GLI3: variants seen among roughly 807,000 people sequenced by gnomAD.
The protein encoded by GLI3 is transcription activator GLI3.
A neutral mutation model predicts 100.8 loss-of-function variants in GLI3; 20 were observed. The ratio of observed to expected loss-of-function variants is 0.20; its 90% CI spans 0.14 to 0.29. GLI3 has a LOEUF of 0.29. Among genes scored for constraint, GLI3 ranks in the 10% least tolerant of loss-of-function variants. The pLI is 1.00. For missense variants in GLI3, 2,040 were observed against 2,128.5 expected, an observed-to-expected ratio of 0.96 and a Z score of 0.82; for synonymous variants, 938 against 860.5, an observed-to-expected ratio of 1.09 and a Z score of -1.58.
intron 4 of GLI3, among the ~76,000 whole-genome samples, chr7:42,072,532 G>A (rs1342141197): frequency 1.3e-5 from 2 of 152,168 alleles, no homozygotes; most frequent in African/African-American, 4.8e-5. Context: ...TTATTACTGT[G>A]GAAAGTAGCC....
chr7:42,024,009 A>G (rs1156367168), intron 9 of GLI3, among the ~76,000 whole-genome samples: 2 of 152,098 alleles, frequency 1.3e-5, no homozygotes, highest in East Asian at 1.9e-4. Context: ...TGGTACTTCT[A>G]TTTTGTTTAG....
chr7:42,191,075 T>C (rs2128687979), intron 2 of GLI3, among the ~76,000 whole-genome samples: 1 of 152,190 alleles, frequency 6.6e-6, no homozygotes, highest in Admixed American at 6.5e-5. Flanking sequence ...TTAATCACTA[T>C]TATCCAGGAA....
At chr7:42,216,897 G>T (rs558707461) in intron 2 of GLI3, among the ~76,000 whole-genome samples, 1 of 152,210 alleles carries the variant, frequency 6.6e-6, no homozygotes, top group Non-Finnish European at 1.5e-5. Context: ...GAACATATCA[G>T]ATTGGACTGT....
rs1186292634 is a variant in GLI3, at chr7:42,262,209, T to TTCCTTCCTTCCTTAC, written c.-43+1784_-43+1785insGTAAGGAAGGAAGGA. On this transcript the variant is annotated intron_variant, in intron 1 of 2. Coordinates refer to the GLI3 transcript ENST00000678978. ...TTCTTTTATTTTTTTTCCTTCCTTCTTTCCTTCCTTCCTTCTTTCCTTCCT... is the reference window on the plus strand; with the variant it reads ...TTCTTTTATTTTTTTTCCTTCCTTCTTCCTTCCTTCCTTACTTCCTTCCTTCCTTCTTTCCTTCCT... Among the ~76,000 whole-genome samples, 573 of 110,690 alleles carry TTCCTTCCTTCCTTAC rather than the reference T, an allele frequency of 5.2e-3. 21 individuals carry two copies. The highest frequency in any genetic ancestry group is 0.016 in the African/African-American group (398 of 25,074). 72.6% of individuals were successfully genotyped at this position (110,690 alleles called of 152,430 possible).
intron 2 of GLI3, among the ~76,000 whole-genome samples, chr7:42,160,289 C>T (rs1380211358): frequency 1.3e-5 from 2 of 152,116 alleles, no homozygotes; most frequent in African/African-American, 2.4e-5. Context: ...CCTTGGATGT[C>T]CAGGTTGAAT....
intron 2 of GLI3, among the ~76,000 whole-genome samples, chr7:42,220,349 G>T (rs1788462040): frequency 6.6e-6 from 1 of 152,290 alleles, no homozygotes; most frequent in South Asian, 2.1e-4. Context: ...GAGAAAAAGA[G>T]AAAAGATAGG....
chr7:41,983,821 G>A (rs1402370968), intron 10 of GLI3, among the ~76,000 whole-genome samples: 1 of 152,170 alleles, frequency 6.6e-6, no homozygotes, highest in East Asian at 1.9e-4. Context: ...TTCCCGATGG[G>A]TCCATGTCTT....
intron 4 of GLI3, among the ~76,000 whole-genome samples, chr7:42,055,062 T>C (rs1369508445): frequency 2.7e-5 from 2 of 75,156 alleles, no homozygotes; most frequent in African/African-American, 7.0e-5. Flanking sequence ...CACACACATA[T>C]ATGTATACAT....
intron 10 of GLI3, among the ~76,000 whole-genome samples, chr7:41,979,621 G>A (rs971043793): frequency 1.3e-5 from 2 of 152,142 alleles, no homozygotes; most frequent in Non-Finnish European, 2.9e-5. Context: ...ATCAAATTAA[G>A]GTCAATTTCA....
At chr7:41,990,917 T>C (rs976983239) in intron 10 of GLI3, among the ~76,000 whole-genome samples, 1 of 150,864 alleles carries the variant, frequency 6.6e-6, no homozygotes, top group Admixed American at 6.6e-5. Context: ...TGGATGGTGA[T>C]TGCTGATCAC....
chr7:42,187,639 A>G (rs1787743372), intron 2 of GLI3, among the ~76,000 whole-genome samples: 1 of 152,198 alleles, frequency 6.6e-6, no homozygotes, highest in Non-Finnish European at 1.5e-5. Context: ...GCATCTTTGC[A>G]GATGTAATTT....
At chr7:41,990,786 C>A (rs554073237) in intron 10 of GLI3, among the ~76,000 whole-genome samples, 14 of 152,144 alleles carry the variant, frequency 9.2e-5, no homozygotes, top group Non-Finnish European at 1.9e-4. Context: ...GCCTACTGCT[C>A]GTCACATTGC....
At chr7:42,029,585 C>T (rs540595633) in intron 7 of GLI3, among the ~76,000 whole-genome samples, 15 of 152,078 alleles carry the variant, frequency 9.9e-5, no homozygotes, top group South Asian at 6.2e-4. Context: ...TGGGGAGGGC[C>T]GTGGAGGAGG....
intron 6 of GLI3, among the ~76,000 whole-genome samples, chr7:42,041,963 C>A (rs1044417983): frequency 3.3e-5 from 5 of 151,836 alleles, no homozygotes; most frequent in Admixed American, 2.6e-4. Flanking sequence ...AGTTTCATTA[C>A]CAGCCTGATT....
intron 2 of GLI3, among the ~76,000 whole-genome samples, chr7:42,182,662 A>ATATATACATGTGTG (rs1554337065): frequency 7.8e-5 from 6 of 76,714 alleles, no homozygotes; most frequent in African/African-American, 4.0e-4. Context: ...ATATATATAT[A>ATATATACATGTGTG]TATATATATA....
At chr7:42,105,950 C>A (rs1380979285) in intron 3 of GLI3, among the ~76,000 whole-genome samples, 1 of 152,156 alleles carries the variant, frequency 6.6e-6, no homozygotes, top group Non-Finnish European at 1.5e-5. Flanking sequence ...ACCAGGAAAT[C>A]AAATTTCTCA....
intron 4 of GLI3, among the ~76,000 whole-genome samples, chr7:42,071,225 G>C (rs1001920369): frequency 2.0e-5 from 3 of 151,884 alleles, no homozygotes; most frequent in African/African-American, 7.3e-5. Flanking sequence ...TTGGGGGGGC[G>C]GTGGGGAGTG....
rs755017404 is a variant in GLI3 at position 41,965,271 on chromosome 7, G to GTGCACC, written c.3796_3801dup (p.Gly1266_Ala1267dup). 12 of 1,613,728 alleles carry GTGCACC rather than the reference G, an allele frequency of 7.4e-6. No homozygotes were observed. The South Asian group carries it at 9.9e-5, about 13-fold the overall frequency. On this transcript the variant is annotated inframe_insertion, in exon 15 of 15. Transcript: ENST00000395925. The stretch of plus-strand genomic sequence containing the variant: ...ATCCCGGCACCACAGGCACCGTCGA[G>GTGCACC]TGCACCAGGGGCCACTGGCTGCCTG...
chr7:42,211,329 A>G (rs1788270201), intron 2 of GLI3, among the ~76,000 whole-genome samples: 1 of 152,232 alleles, frequency 6.6e-6, no homozygotes, highest in Non-Finnish European at 1.5e-5. Context: ...TATTTATAAA[A>G]CATTGTTAGC....
Sources: allele counts gnomAD v4.1 joint callset (sites outside exome capture counted in the v4.1 genomes callset), GRCh38; gene constraint gnomAD v4.1.1; transcripts MANE v1.5; gene names NCBI Gene and HGNC (gene_info 2026-07-23, HGNC 2026-07-21).